KCNU1: variants seen among roughly 807,000 people sequenced by gnomAD.
KCNU1 encodes potassium calcium-activated channel subfamily U member 1.
Under a neutral mutation model 126.8 loss-of-function variants are expected in KCNU1, and 93 were observed. The observed-to-expected ratio is 0.73, with a 90% CI of 0.62 to 0.87. KCNU1 has a LOEUF of 0.87. KCNU1 is among the 40% of genes least tolerant of loss of function. The probability of loss-of-function intolerance (pLI) is 0.00; values close to 1 mark genes in which losing one functional copy is unlikely to be tolerated. For synonymous variants in KCNU1, 523 were observed against 494.2 expected, an observed-to-expected ratio of 1.06 and a Z score of -0.77; for missense variants, 1,330 against 1,367.1, an observed-to-expected ratio of 0.97 and a Z score of 0.43.
rs1806305138 is a variant in KCNU1 at position 36,877,164 on chromosome 8, C to T, written c.2009+12643C>T. On this transcript the variant is annotated intron_variant, in intron 19 of 26. Coordinates refer to ENST00000399881, the MANE Select transcript of KCNU1 (RefSeq NM_001031836.3). Reference sequence around the variant, plus strand: ...CCCAGCAGGGGCTGCAGATTCCTCACATCTGGGCTAGCAGTTGGGGTAAGG... The same window carrying T: ...CCCAGCAGGGGCTGCAGATTCCTCATATCTGGGCTAGCAGTTGGGGTAAGG... 2.6e-5 allele frequency among the ~76,000 whole-genome samples: 4 copies of T among 152,280 alleles called. No individual in the cohort carries two copies. In the South Asian group the frequency reaches 8.3e-4, roughly 32 times the overall value.
At chr8:36,817,962 A>G (rs1803982769) in intron 10 of KCNU1, among the ~76,000 whole-genome samples, 1 of 152,318 alleles carries the variant, frequency 6.6e-6, no homozygotes, top group East Asian at 1.9e-4. Flanking sequence ...GTTTTTCTGC[A>G]TAGGTACTAA....
chr8:36,856,054 C>T (rs1034160184), intron 18 of KCNU1, among the ~76,000 whole-genome samples: 1 of 152,152 alleles, frequency 6.6e-6, no homozygotes, highest in Non-Finnish European at 1.5e-5. Flanking sequence ...ATTAACCCCT[C>T]TAGTGAATAA....
At chr8:36,874,314 T>C (rs796893373) in intron 19 of KCNU1, among the ~76,000 whole-genome samples, 100 of 152,340 alleles carry the variant, frequency 6.6e-4, no homozygotes, top group African/African-American at 2.3e-3. Flanking sequence ...TTTTTTTTCC[T>C]AAATGCTATT....
intron 24 of KCNU1, among the ~76,000 whole-genome samples, chr8:36,923,888 A>G (rs1339546738): frequency 6.6e-6 from 1 of 152,250 alleles, no homozygotes; most frequent in Non-Finnish European, 1.5e-5. Flanking sequence ...AAGAAGGTGC[A>G]TAAGCTATGA....
chr8:36,841,016 C>T lies in KCNU1; in HGVS notation c.1703+13C>T, dbSNP rs367848334. 6.1e-6 allele frequency: 8 copies of T among 1,311,974 alleles called. No individual in the cohort carries two copies. The African/African-American group carries it at 8.9e-5, about 15-fold the overall frequency. The allele number at this position is 1,311,974 out of a possible 1,614,324, so 81.3% of individuals were successfully genotyped here. A position where few individuals can be genotyped will look rare whatever the true frequency, so the allele number is the denominator to read the frequency against. ...CGGATGGTTTCTGGTACCAATAAGTCTGCTCATCTCTTCAGTTGTTTTTTT... is the reference window on the plus strand; with the variant it reads ...CGGATGGTTTCTGGTACCAATAAGTTTGCTCATCTCTTCAGTTGTTTTTTT... On this transcript the variant is annotated intron_variant, in intron 16 of 26. Coordinates refer to ENST00000399881, the MANE Select transcript of KCNU1 (RefSeq NM_001031836.3).
At chr8:36,885,047 G>A (rs1431043580) in intron 19 of KCNU1, among the ~76,000 whole-genome samples, 2 of 152,204 alleles carry the variant, frequency 1.3e-5, no homozygotes, top group African/African-American at 2.4e-5. Flanking sequence ...GGGAAGCACT[G>A]AAGCTGTAAA....
In KCNU1 at chr8:36,922,719, T is replaced by C. The variant is rs1004581895; in HGVS notation, c.2736+90T>C. The C allele has an allele frequency of 6.9e-6, 9 of 1,295,558 alleles. No individual in the cohort carries two copies. The African/African-American group carries it at 1.3e-4, about 19-fold the overall frequency. 80.3% of individuals were successfully genotyped at this position (1,295,558 alleles called of 1,614,324 possible). A position where few individuals can be genotyped will look rare whatever the true frequency, so the allele number is the denominator to read the frequency against. ...ATAAGGCTGAGTAGATGATAACACC[T>C]CACAGTTCTAAGTTCTCTTTGATTT... On this transcript the variant is annotated intron_variant, in intron 24 of 26. Coordinates refer to ENST00000399881, the MANE Select transcript of KCNU1 (RefSeq NM_001031836.3).
chr8:36,845,538 A>C, intron 16 of KCNU1, 42 bp from the exon 17 acceptor site: 1 of 1,205,504 alleles, frequency 8.3e-7, no homozygotes, highest in Non-Finnish European at 1.2e-6. Context: ...TGCCACTGAA[A>C]TCAGAGGGAA....
chr8:36,840,422 C>G (rs1386250074), intron 14 of KCNU1, 41 bp from the exon 15 acceptor site: 1 of 919,614 alleles, frequency 1.1e-6, no homozygotes, highest in African/African-American at 1.6e-5. Context: ...ATTCTACATT[C>G]CTTGTCGTTT....
chr8:36,834,901 TA>T (rs1804689775), intron 12 of KCNU1, 33 bp downstream of exon 12: 1 of 1,379,240 alleles, frequency 7.3e-7, no homozygotes, highest in Non-Finnish European at 1.0e-6. Flanking sequence ...CTATAACGAT[TA>T]TTTTTTTCTA....
intron 2 of KCNU1, among the ~76,000 whole-genome samples, chr8:36,798,105 AT>A (rs796427913): frequency 6.6e-6 from 1 of 150,382 alleles, no homozygotes; most frequent in Non-Finnish European, 1.5e-5. Flanking sequence ...TCTTGTTTCC[AT>A]TTTTTTTTCT....
chr8:36,881,126 C>CA (rs1227522947), intron 19 of KCNU1, among the ~76,000 whole-genome samples: 1 of 152,224 alleles, frequency 6.6e-6, no homozygotes, highest in Admixed American at 6.5e-5. Flanking sequence ...CCGCCACTGA[C>CA]AAGACCGGGC....
chr8:36,830,650 G>A (rs1408263304), intron 10 of KCNU1, among the ~76,000 whole-genome samples: 1 of 152,042 alleles, frequency 6.6e-6, no homozygotes, highest in East Asian at 1.9e-4. Flanking sequence ...TGTAGAACTA[G>A]TGGTTTCCTA....
chr8:36,855,244 T>C (rs762695529), intron 18 of KCNU1, among the ~76,000 whole-genome samples: 2 of 152,166 alleles, frequency 1.3e-5, no homozygotes, highest in Non-Finnish European at 2.9e-5. Context: ...AGAAGACATT[T>C]TATTCTTCAG....
At position 36,836,687 on chromosome 8, in the gene KCNU1, A is replaced by C. The variant is rs980777555; in HGVS notation, c.1366-106A>C. 5 of 978,000 alleles carry C rather than the reference A, an allele frequency of 5.1e-6. No individual in the cohort carries two copies. The African/African-American group carries it at 6.6e-5, about 13-fold the overall frequency. The allele number at this position is 978,000 out of a possible 1,614,324, so 60.6% of individuals were successfully genotyped here. A position where few individuals can be genotyped will look rare whatever the true frequency, so the allele number is the denominator to read the frequency against. On this transcript the variant is annotated intron_variant, in intron 13 of 26. Coordinates refer to ENST00000399881, the MANE Select transcript of KCNU1 (RefSeq NM_001031836.3). The stretch of plus-strand genomic sequence containing the variant: ...CCACTTTTGTGTGCAAAAATGAAGA[A>C]TATATGATTTCAAGTAAATTTAAAA...
At chr8:36,807,000 G>A (rs769751935) in intron 5 of KCNU1, among the ~76,000 whole-genome samples, 2 of 152,142 alleles carry the variant, frequency 1.3e-5, no homozygotes, top group Non-Finnish European at 2.9e-5. Flanking sequence ...GGGAAATTTT[G>A]CTCTCCGTTC....
At chr8:36,864,333 C>T in intron 18 of KCNU1, 71 bp from the exon 19 acceptor site, 1 of 974,856 alleles carries the variant, frequency 1.0e-6, no homozygotes, top group South Asian at 1.3e-5. Context: ...AATGGCTCAG[C>T]CAAGGGGAAT....
intron 16 of KCNU1, 99 bp from the exon 17 acceptor site, chr8:36,845,481 G>T: frequency 1.5e-6 from 1 of 672,244 alleles, no homozygotes. Flanking sequence ...GATTAAATTA[G>T]CAACTCAGAG....
intron 22 of KCNU1, among the ~76,000 whole-genome samples, chr8:36,915,110 A>G (rs1052304745): frequency 2.6e-5 from 4 of 152,232 alleles, no homozygotes; most frequent in Admixed American, 2.0e-4. Flanking sequence ...CGATTAGAAC[A>G]CTAGATTCTA....
Sources: gnomAD v4.1 joint callset for allele counts (sites outside exome capture counted in the v4.1 genomes callset) on GRCh38, gnomAD v4.1.1 for gene constraint, MANE v1.5 for transcripts, NCBI Gene and HGNC (gene_info 2026-07-23, HGNC 2026-07-21) for gene names.